Variants in NAV3 observed in about 807,000 individuals in gnomAD.
The protein encoded by NAV3 is neuron navigator 3.
A neutral mutation model predicts 244.7 loss-of-function variants in NAV3; 87 were observed. The observed-to-expected ratio is 0.36, with a 90% CI of 0.30 to 0.42. The LOEUF is 0.42. Among genes scored for constraint, NAV3 ranks in the 20% least tolerant of loss-of-function variants. The pLI, the probability that NAV3 is intolerant of heterozygous loss-of-function variation, is 1.00. For missense variants in NAV3, 2,663 were observed against 2,893.3 expected (o/e 0.92, Z 1.83); for synonymous variants, 1,126 against 1,042.2 (o/e 1.08, Z -1.55).
intron 5 of NAV3, among the ~76,000 whole-genome samples, chr12:77,982,728 C>T (rs1223134835): frequency 6.6e-6 from 1 of 152,106 alleles, no homozygotes; most frequent in Admixed American, 6.6e-5. Context: ...GTCCTTGTTC[C>T]ACTATGTCCA....
chr12:77,913,784 A>G (rs1415635887), intron 1 of NAV3, among the ~76,000 whole-genome samples: 1 of 152,144 alleles, frequency 6.6e-6, no homozygotes, highest in African/African-American at 2.4e-5. Context: ...AAATGTTTAC[A>G]TAATTCTTAG....
At chr12:77,874,307 C>T (rs941136782) in intron 1 of NAV3, among the ~76,000 whole-genome samples, 9 of 152,090 alleles carry the variant, frequency 5.9e-5, no homozygotes, top group Admixed American at 4.6e-4. Flanking sequence ...CAGCATCAAC[C>T]TTGCAGGCTC....
chr12:77,893,923 A>G (rs1225177990), intron 1 of NAV3, among the ~76,000 whole-genome samples: 1 of 152,208 alleles, frequency 6.6e-6, no homozygotes, highest in African/African-American at 2.4e-5. Context: ...TTCCAAGAAA[A>G]CTAAAGCCCA....
intron 2 of NAV3, among the ~76,000 whole-genome samples, chr12:77,610,220 T>C (rs1037733885): frequency 6.6e-6 from 1 of 152,096 alleles, no homozygotes; most frequent in Non-Finnish European, 1.5e-5. Context: ...CCTACCTTCT[T>C]TGAAAAATGC....
At chr12:77,976,734 C>T (rs958910105) in intron 5 of NAV3, among the ~76,000 whole-genome samples, 14 of 121,192 alleles carry the variant, frequency 1.2e-4, no homozygotes, top group Admixed American at 8.1e-4. Flanking sequence ...AGTGCAGAGG[C>T]GTGATCTCAG....
Position 78,205,016 on chromosome 12 carries a change from C to T in NAV3, c.6916C>T (p.Gln2306Ter). 1 of 1,613,608 alleles carries T rather than the reference C, an allele frequency of 6.2e-7. No homozygotes were observed. The highest frequency in any genetic ancestry group is 8.5e-7 in the Non-Finnish European group (1 of 1,179,760). The change falls in exon 39 of 40, where the codon CAG becomes TAG. Residue 2306 changes from glutamine (Q) to a stop codon, truncating the protein, a stop_gained. Coordinates refer to ENST00000397909, the MANE Select transcript of NAV3 (RefSeq NM_001024383.2). LOFTEE classifies it high-confidence loss of function. ...TYPWSSATLP[Q>*]ESPALLQLRP... ...TCCATGGAGCTCAGCAACTCTGCCT[C>T]AGGAGAGCCCAGCCTTACTTCAGCT...
chr12:78,181,927 CAG>C (rs1471681078), intron 30 of NAV3, among the ~76,000 whole-genome samples: 1 of 151,948 alleles, frequency 6.6e-6, no homozygotes, highest in Non-Finnish European at 1.5e-5. Context: ...TCTAAAAAGA[CAG>C]AATGTTAAAA....
intron 12 of NAV3, among the ~76,000 whole-genome samples, chr12:78,089,383 T>C (rs1269362114): frequency 6.6e-6 from 1 of 152,174 alleles, no homozygotes; most frequent in African/African-American, 2.4e-5. Flanking sequence ...TATTTTAGCA[T>C]ATTAAGAGAA....
At chr12:77,778,250 C>T (rs1211575162) in intron 2 of NAV3, among the ~76,000 whole-genome samples, 1 of 148,690 alleles carries the variant, frequency 6.7e-6, no homozygotes, top group Non-Finnish European at 1.5e-5. Context: ...CTCCCCCCCG[C>T]CCCCCGTCCT....
chr12:78,159,968 A>G (rs980881736), intron 23 of NAV3, among the ~76,000 whole-genome samples: 3 of 152,120 alleles, frequency 2.0e-5, no homozygotes, highest in Non-Finnish European at 2.9e-5. Context: ...AAATCCAGCT[A>G]TAGGGCATGG....
chr12:77,573,594 AGAG>A (rs1419307045), intron 2 of NAV3, among the ~76,000 whole-genome samples: 2 of 152,172 alleles, frequency 1.3e-5, no homozygotes, highest in Non-Finnish European at 2.9e-5. Flanking sequence ...GTGTTTACCC[AGAG>A]GAGATGTCAC....
At chr12:77,600,039 A>G (rs1250483598) in intron 2 of NAV3, among the ~76,000 whole-genome samples, 2 of 152,022 alleles carry the variant, frequency 1.3e-5, no homozygotes, top group African/African-American at 4.8e-5. Flanking sequence ...ACTGCACAAC[A>G]TCACAGATTT....
At chr12:78,133,798 T>G (rs1348164042) in intron 18 of NAV3, among the ~76,000 whole-genome samples, 1 of 152,114 alleles carries the variant, frequency 6.6e-6, no homozygotes, top group Admixed American at 6.6e-5. Context: ...TGGATGAAAC[T>G]TCATTTGGGA....
intron 2 of NAV3, among the ~76,000 whole-genome samples, chr12:77,582,935 A>G (rs1018396669): frequency 2.0e-5 from 3 of 152,370 alleles, no homozygotes; most frequent in Admixed American, 6.5e-5. Flanking sequence ...CCTAATTTAC[A>G]GCACTTGATT....
Position 77,931,063 on chromosome 12 carries a change from CT to C in NAV3, c.244-9253del, listed in dbSNP as rs1443884254. 5.5e-5 allele frequency among the ~76,000 whole-genome samples: 6 copies of C among 109,614 alleles called. No homozygotes were observed. In the Admixed American group the frequency reaches 5.8e-4, roughly 11 times the overall value. 71.9% of individuals were successfully genotyped at this position (109,614 alleles called of 152,430 possible). On this transcript the variant is annotated intron_variant, in intron 1 of 39. Coordinates refer to ENST00000397909, the MANE Select transcript of NAV3 (RefSeq NM_001024383.2). ...AATAGTGATGAACACTTTGAAAATT[CT>C]TTCCTATAATTTTTTTCCTATCTTA...
At chr12:77,720,530 T>C (rs1397544670) in intron 2 of NAV3, among the ~76,000 whole-genome samples, 1 of 152,126 alleles carries the variant, frequency 6.6e-6, no homozygotes, top group Non-Finnish European at 1.5e-5. Context: ...CTCTCCATTC[T>C]TTTCAGCAAC....
intron 2 of NAV3, among the ~76,000 whole-genome samples, chr12:77,729,701 A>G: frequency 6.6e-6 from 1 of 151,942 alleles, no homozygotes; most frequent in East Asian, 1.9e-4. Context: ...TGCAGCAGCA[A>G]TTCATCTTTC....
chr12:78,133,736 T>A (rs1956261466), intron 18 of NAV3, among the ~76,000 whole-genome samples: 1 of 152,124 alleles, frequency 6.6e-6, no homozygotes, highest in African/African-American at 2.4e-5. Context: ...TAGAAACCAT[T>A]CCCATTCAAG....
At chr12:78,120,983 T>G (rs1445150383) in intron 15 of NAV3, among the ~76,000 whole-genome samples, 2 of 152,234 alleles carry the variant, frequency 1.3e-5, no homozygotes, top group Non-Finnish European at 2.9e-5. Flanking sequence ...TTTAAAATAC[T>G]GATTCTCATT....
Sources: allele counts gnomAD v4.1 joint callset (sites outside exome capture counted in the v4.1 genomes callset), GRCh38; gene constraint gnomAD v4.1.1; transcripts MANE v1.5; gene names NCBI Gene and HGNC (gene_info 2026-07-23, HGNC 2026-07-21).